TPD52: variants seen among roughly 807,000 people sequenced by gnomAD.
The protein encoded by TPD52 is prostate and colon associated protein.
TPD52 carries 17 observed loss-of-function variants against 31.3 expected under a neutral mutation model. The observed-to-expected ratio is 0.54, with a 90% CI of 0.37 to 0.82. TPD52 has a LOEUF of 0.82. TPD52 is among the 40% of genes least tolerant of loss of function. The probability of loss-of-function intolerance (pLI) is 0.00; values close to 1 mark genes in which losing one functional copy is unlikely to be tolerated. For synonymous variants in TPD52, 83 were observed against 89.6 expected (o/e 0.93, Z 0.42); for missense variants, 212 against 240.1 (o/e 0.88, Z 0.77).
intron 1 of TPD52, among the ~76,000 whole-genome samples, chr8:80,112,410 G>C (rs1353831467): frequency 6.6e-6 from 1 of 152,204 alleles, no homozygotes; most frequent in Non-Finnish European, 1.5e-5. Flanking sequence ...TTGAGCCTGT[G>C]TTCTTGGCCA....
chr8:80,050,188 G>A (rs928228931), intron 5 of TPD52, among the ~76,000 whole-genome samples: 1 of 152,120 alleles, frequency 6.6e-6, no homozygotes, highest in African/African-American at 2.4e-5. Context: ...AAAGAAAAAA[G>A]TAAAAAAGAA....
intron 1 of TPD52, among the ~76,000 whole-genome samples, chr8:80,120,723 A>G (rs1348164239): frequency 6.6e-6 from 1 of 152,192 alleles, no homozygotes; most frequent in Non-Finnish European, 1.5e-5. Flanking sequence ...TTTCACACTA[A>G]GAAGGCTTTC....
At chr8:80,108,983 A>C (rs1329583117) in intron 1 of TPD52, among the ~76,000 whole-genome samples, 2 of 152,230 alleles carry the variant, frequency 1.3e-5, no homozygotes, top group Non-Finnish European at 2.9e-5. Context: ...TAAGTTCAAA[A>C]AGAATCTGTT....
intron 1 of TPD52, among the ~76,000 whole-genome samples, chr8:80,120,326 T>C (rs986089788): frequency 6.6e-5 from 10 of 152,180 alleles, no homozygotes; most frequent in African/African-American, 2.4e-4. Context: ...CTGTCTCTAC[T>C]GAAACTGCAA....
chr8:80,106,641 C>A (rs1011420962), intron 1 of TPD52, among the ~76,000 whole-genome samples: 2 of 151,720 alleles, frequency 1.3e-5, no homozygotes, highest in African/African-American at 4.8e-5. Context: ...CAGACATGAG[C>A]CACTGTGTCC....
At chr8:80,077,703 G>A (rs1250347443) in intron 1 of TPD52, among the ~76,000 whole-genome samples, 5 of 152,080 alleles carry the variant, frequency 3.3e-5, no homozygotes, top group African/African-American at 7.2e-5. Flanking sequence ...CTTCACATCC[G>A]TAAAATGAAC....
At chr8:80,048,780 C>A (rs952695555) in intron 5 of TPD52, among the ~76,000 whole-genome samples, 1 of 152,178 alleles carries the variant, frequency 6.6e-6, no homozygotes, top group Non-Finnish European at 1.5e-5. Flanking sequence ...AAAAGATAAT[C>A]TCATTTCTTT....
At chr8:80,075,651 C>T (rs1814453728) in intron 1 of TPD52, among the ~76,000 whole-genome samples, 2 of 152,122 alleles carry the variant, frequency 1.3e-5, no homozygotes, top group South Asian at 2.1e-4. Flanking sequence ...GCTCTGCTCC[C>T]CTGCCCCAAA....
chr8:80,146,066 C>T (rs2370367), intron 1 of TPD52, among the ~76,000 whole-genome samples: 77,489 of 152,058 alleles, frequency 0.51, 20,247 homozygotes, highest in East Asian at 0.79. Flanking sequence ...GCCCTGCCTA[C>T]AGCCCAACTC....
In TPD52 at chr8:80,064,993, T is replaced by TG. The variant is rs1812964013; in HGVS notation, c.20-401_20-400insC. On this transcript the variant is annotated intron_variant, in intron 1 of 7. Coordinates refer to ENST00000518937, the MANE Select transcript of TPD52 (RefSeq NM_001025253.3). The stretch of plus-strand genomic sequence containing the variant: ...GTAACCCAGGGCAGGAGTTTGCATA[T>TG]CTCTTCAGCTTGCTGTGGTAATCAA... 3 of 363,744 alleles carry TG rather than the reference T, an allele frequency of 8.2e-6. No homozygotes were observed. The East Asian group carries it at 2.2e-4, about 27-fold the overall frequency. The allele number at this position is 363,744 out of a possible 1,614,324, so 22.5% of individuals were successfully genotyped here.
At chr8:80,120,653 AG>A (rs1259553020) in intron 1 of TPD52, among the ~76,000 whole-genome samples, 9 of 152,248 alleles carry the variant, frequency 5.9e-5, no homozygotes, top group Non-Finnish European at 1.2e-4. Context: ...TTCTTCAGTT[AG>A]CAATATAAAC....
intron 1 of TPD52, among the ~76,000 whole-genome samples, chr8:80,151,478 T>A (rs531001188): frequency 2.0e-5 from 3 of 152,306 alleles, no homozygotes; most frequent in African/African-American, 7.2e-5. Context: ...GCTCCTGCAC[T>A]AGGACCCAAA....
chr8:80,109,312 T>C (rs1000917519), intron 1 of TPD52, among the ~76,000 whole-genome samples: 2 of 152,236 alleles, frequency 1.3e-5, no homozygotes, highest in Non-Finnish European at 2.9e-5. Context: ...AAAAAGAACT[T>C]GTGCGGTCAA....
chr8:80,079,960 G>C (rs926282801), intron 1 of TPD52, among the ~76,000 whole-genome samples: 1 of 152,144 alleles, frequency 6.6e-6, no homozygotes, highest in African/African-American at 2.4e-5. Flanking sequence ...GAAAAATCGG[G>C]AAAGTTGTCG....
intron 1 of TPD52, among the ~76,000 whole-genome samples, chr8:80,096,445 T>A (rs1816749073): frequency 6.6e-6 from 1 of 152,010 alleles, no homozygotes; most frequent in Admixed American, 6.5e-5. Context: ...ACAGGCATAC[T>A]CCTGTTTTAC....
At chr8:80,114,044 A>G (rs1379167575) in intron 1 of TPD52, among the ~76,000 whole-genome samples, 1 of 152,178 alleles carries the variant, frequency 6.6e-6, no homozygotes, top group Non-Finnish European at 1.5e-5. Context: ...CAGGAGTTCA[A>G]GACCAGCCTG....
chr8:80,112,953 C>CAT (rs1364162834), intron 1 of TPD52, among the ~76,000 whole-genome samples: 1 of 152,164 alleles, frequency 6.6e-6, no homozygotes, highest in Non-Finnish European at 1.5e-5. Flanking sequence ...ATTTATATTT[C>CAT]ATATACACCT....
intron 1 of TPD52, among the ~76,000 whole-genome samples, chr8:80,152,503 G>C (rs1011133725): frequency 6.6e-6 from 1 of 152,118 alleles, no homozygotes; most frequent in Non-Finnish European, 1.5e-5. Context: ...TCAGGCAGCC[G>C]GGAGCGGTGG....
chr8:80,102,303 C>G (rs1259169921), intron 1 of TPD52, among the ~76,000 whole-genome samples: 2 of 152,194 alleles, frequency 1.3e-5, no homozygotes, highest in Non-Finnish European at 2.9e-5. Context: ...TACTGAGGAG[C>G]CTTTTTCTCC....
Sources: allele counts gnomAD v4.1 joint callset (sites outside exome capture counted in the v4.1 genomes callset), GRCh38; gene constraint gnomAD v4.1.1; transcripts MANE v1.5; gene names NCBI Gene and HGNC (gene_info 2026-07-23, HGNC 2026-07-21).